The following ANXA9 variants were observed in gnomAD, a reference collection of about 807,000 sequenced individuals.
ANXA9 encodes annexin A9.
In ANXA9, 47 loss-of-function variants were observed where a neutral mutation model predicts 51.8. The ratio of observed to expected loss-of-function variants is 0.91; its 90% CI spans 0.72 to 1.16. The LOEUF is 1.16. Ranked by LOEUF, ANXA9 falls within the 50% of genes most tolerant of loss-of-function variation. The probability of loss-of-function intolerance (pLI) is 0.00; values close to 1 mark genes in which losing one functional copy is unlikely to be tolerated. For synonymous variants in ANXA9, 154 were observed against 168.7 expected, an observed-to-expected ratio of 0.91 and a Z score of 0.68; for missense variants, 361 against 424.7, an observed-to-expected ratio of 0.85 and a Z score of 1.32.
chr1:150,988,088 A>G lies in ANXA9; in HGVS notation c.698-3A>G, dbSNP rs1197051984. The G allele has an allele frequency of 6.2e-7, 1 of 1,613,996 alleles. No individual in the cohort carries two copies. The highest frequency in any genetic ancestry group is 1.3e-5 in the African/African-American group (1 of 74,894). On this transcript the variant is annotated splice_region_variant and splice_polypyrimidine_tract_variant and intron_variant, in intron 10 of 13. Transcript: ENST00000368947. ...CTTTCTAACTGCCTCCTACACACAC[A>G]AGTGTTTGATCAGTACCAGCGGAGC...
At chr1:150,981,832 C>G (rs1230353066), upstream of ANXA9, among the ~76,000 whole-genome samples, 1 of 152,240 alleles carries the variant, frequency 6.6e-6, no homozygotes, top group Non-Finnish European at 1.5e-5. Flanking sequence ...GGCTGGGACC[C>G]CCTCTGGGGT....
upstream of ANXA9, chr1:150,982,173 G>C (rs1352796596): frequency 2.0e-5 from 3 of 152,522 alleles, no homozygotes; most frequent in Non-Finnish European, 4.4e-5. Flanking sequence ...GTGGGACTCT[G>C]TACAGCCCGG....
chr1:150,983,985 C>A lies in ANXA9; in HGVS notation c.183C>A (p.Arg61=). The A allele has an allele frequency of 6.2e-7, 1 of 1,612,648 alleles. No individual in the cohort carries two copies. The highest frequency in any genetic ancestry group is 8.5e-7 in the Non-Finnish European group (1 of 1,179,558). ...LRAITGQGVD[R]SAIVDVLTNR... is the part of the protein sequence containing the mutation. ...CTCATCTCGGTTCAGGCGTGGACCGCAGTGCCATTGTGGACGTGCTGACCA... is the reference window on the plus strand; with the variant it reads ...CTCATCTCGGTTCAGGCGTGGACCGAAGTGCCATTGTGGACGTGCTGACCA... Residue 61 remains arginine (R), a synonymous_variant, in exon 5 of 14, where the codon CGC becomes CGA. Coordinates refer to ENST00000368947, the MANE Select transcript of ANXA9 (RefSeq NM_003568.3).
intron 9 of ANXA9, 73 bp downstream of exon 9, chr1:150,986,734 C>G: frequency 1.4e-6 from 2 of 1,436,172 alleles, no homozygotes; most frequent in Admixed American, 2.4e-5. Context: ...ATCTTAGAGC[C>G]GGTGACCTAC....
chr1:150,979,127 G>A (rs1671377028), upstream of ANXA9, among the ~76,000 whole-genome samples: 1 of 151,352 alleles, frequency 6.6e-6, no homozygotes, highest in African/African-American at 2.4e-5. Flanking sequence ...GGAGAGGAAT[G>A]AGTTTGTAGC....
chr1:150,982,198 T>A (rs1183338961), upstream of ANXA9: 1 of 152,406 alleles, frequency 6.6e-6, no homozygotes, highest in Non-Finnish European at 1.5e-5. Flanking sequence ...CTCCCACGTC[T>A]GGGAGGGGCC....
At chr1:150,986,505 C>T (rs1211261838) in intron 8 of ANXA9, 90 bp downstream of exon 8, 1 of 1,574,532 alleles carries the variant, frequency 6.4e-7, no homozygotes, top group African/African-American at 1.4e-5. Context: ...CTGTAATGGA[C>T]AAGAGAGGGC....
chr1:150,987,460 G>T (rs1035566753), intron 9 of ANXA9, among the ~76,000 whole-genome samples: 1 of 151,634 alleles, frequency 6.6e-6, no homozygotes, highest in Non-Finnish European at 1.5e-5. Flanking sequence ...GGTCGTGGTG[G>T]CTCACACCTA....
In ANXA9 at chr1:150,995,352, C is replaced by T. The variant is rs376190039; in HGVS notation, c.*30C>T. On this transcript the variant is annotated 3_prime_UTR_variant, in exon 14 of 14. Coordinates refer to ENST00000368947, the MANE Select transcript of ANXA9 (RefSeq NM_003568.3). ...TCCCTGCCCCACCCCACATGACATC[C>T]GAGGATCTGAGATTTCCGTGTTTGG... 29 of 1,576,884 alleles carry T rather than the reference C, an allele frequency of 1.8e-5. No individual in the cohort carries two copies. The highest frequency in any genetic ancestry group is 1.2e-4 in the South Asian group (10 of 86,298).
At chr1:150,978,044 G>A (rs1261132318), upstream of ANXA9, among the ~76,000 whole-genome samples, 1 of 152,184 alleles carries the variant, frequency 6.6e-6, no homozygotes, top group African/African-American at 2.4e-5. Context: ...GCTGAGGCAG[G>A]AGAATTGCTT....
chr1:150,979,083 A>G (rs1212340771), upstream of ANXA9, among the ~76,000 whole-genome samples: 1 of 151,856 alleles, frequency 6.6e-6, no homozygotes, highest in African/African-American at 2.4e-5. Flanking sequence ...AACAACTGCA[A>G]TCCGGCCCTG....
Position 150,995,619 on chromosome 1 carries a change from G to A in ANXA9, c.*297G>A, listed in dbSNP as rs1043936101. ...TGGCCAGAACATCTCACTGATACTC[G>A]AATTCTTTTGGCAAACTTCGCTGTT... On this transcript the variant is annotated 3_prime_UTR_variant, in exon 14 of 14. Transcript: ENST00000368947. 3 of 293,632 alleles carry A rather than the reference G, an allele frequency of 1.0e-5. No individual in the cohort carries two copies. The highest frequency in any genetic ancestry group is 1.1e-4 in the South Asian group (1 of 9,322). The allele number at this position is 293,632 out of a possible 1,614,324, so 18.2% of individuals were successfully genotyped here. A position where few individuals can be genotyped will look rare whatever the true frequency, so the allele number is the denominator to read the frequency against.
chr1:150,983,867 C>T (rs1186848576), intron 4 of ANXA9, 108 bp from the exon 5 acceptor site: 3 of 1,055,410 alleles, frequency 2.8e-6, no homozygotes, highest in Non-Finnish European at 4.2e-6. Context: ...ATAGCCCCTG[C>T]TCCTTTCCTT....
In ANXA9 at chr1:150,982,382, A is replaced by G. The variant is rs1419537986; in HGVS notation, c.-114+3A>G. The G allele has an allele frequency of 1.3e-5, 2 of 152,598 alleles. No individual in the cohort carries two copies. The highest frequency in any genetic ancestry group is 3.9e-4 in the East Asian group (2 of 5,190). The allele number at this position is 152,598 out of a possible 1,614,324, so 9.5% of individuals were successfully genotyped here. A position where few individuals can be genotyped will look rare whatever the true frequency, so the allele number is the denominator to read the frequency against. ...CACCTCACCTCTGGCACCTCTGAGTAAGTACTGGGCCCACGGCCCCATGCC... is the reference window on the plus strand; with the variant it reads ...CACCTCACCTCTGGCACCTCTGAGTGAGTACTGGGCCCACGGCCCCATGCC... On this transcript the variant is annotated splice_donor_region_variant and intron_variant, in intron 1 of 13. Coordinates refer to ENST00000368947, the MANE Select transcript of ANXA9 (RefSeq NM_003568.3).
chr1:150,995,023 C>T (rs1039376573), intron 13 of ANXA9, among the ~76,000 whole-genome samples: 2 of 152,228 alleles, frequency 1.3e-5, no homozygotes, highest in Non-Finnish European at 2.9e-5. Flanking sequence ...ACCCAGAAGG[C>T]AGAGGTTGCA....
intron 7 of ANXA9, among the ~76,000 whole-genome samples, chr1:150,985,352 A>G (rs908516312): frequency 6.6e-6 from 1 of 152,004 alleles, no homozygotes; most frequent in Non-Finnish European, 1.5e-5. Flanking sequence ...CCACATTCCA[A>G]GCTGAACCCA....
At chr1:150,992,503 C>G (rs757602134) in intron 12 of ANXA9, among the ~76,000 whole-genome samples, 1 of 151,950 alleles carries the variant, frequency 6.6e-6, no homozygotes, top group Non-Finnish European at 1.5e-5. Flanking sequence ...GACCTGAGAT[C>G]GCACCACTGC....
At chr1:150,994,805 A>T (rs1671794229) in intron 13 of ANXA9, 106 bp downstream of exon 13, 1 of 1,527,200 alleles carries the variant, frequency 6.5e-7, no homozygotes, top group African/African-American at 1.4e-5. Context: ...TAGAAAACCC[A>T]GTAGTTAGCC....
At position 150,992,730 on chromosome 1, in the gene ANXA9, C is replaced by G. The variant is rs1198695282; in HGVS notation, c.853-1847C>G. On this transcript the variant is annotated intron_variant, in intron 12 of 13. Transcript: ENST00000368947. ...GGCTGAGGCAGGAGACTTGCTTGAA[C>G]CTGGGAGGCGGAGGTTGCAGTGAGC... Among the ~76,000 whole-genome samples, 3 of 152,128 alleles carry G rather than the reference C, an allele frequency of 2.0e-5. No individual in the cohort carries two copies. In the East Asian group the frequency reaches 5.8e-4, roughly 29 times the overall value.
Sources: gnomAD v4.1 joint callset for allele counts (sites outside exome capture counted in the v4.1 genomes callset) on GRCh38, gnomAD v4.1.1 for gene constraint, MANE v1.5 for transcripts, NCBI Gene and HGNC (gene_info 2026-07-23, HGNC 2026-07-21) for gene names.